RABGAP1L: variants seen among roughly 807,000 people sequenced by gnomAD.
RABGAP1L encodes the protein rab GTPase-activating protein 1-like.
RABGAP1L carries 63 observed loss-of-function variants against 137.7 expected under a neutral mutation model. The ratio of observed to expected loss-of-function variants is 0.46; its 90% CI spans 0.37 to 0.56. The LOEUF (loss-of-function observed/expected upper bound fraction) is 0.56, where lower values mean the gene tolerates loss of function less well. Ranked by LOEUF, RABGAP1L falls within the 20% of genes least tolerant of loss-of-function variation. The pLI is 0.00. For synonymous variants in RABGAP1L, 431 were observed against 433.7 expected (o/e 0.99, Z 0.08); for missense variants, 1,095 against 1,244.0 (o/e 0.88, Z 1.80).
chr1:174,216,863 GT>G (rs1558039281), intron 1 of RABGAP1L, among the ~76,000 whole-genome samples: 1 of 152,012 alleles, frequency 6.6e-6, no homozygotes, highest in Admixed American at 6.6e-5. Flanking sequence ...TTAAATTTTA[GT>G]GAAAAGGTTT....
chr1:174,557,481 A>G (rs1327751952), intron 13 of RABGAP1L, among the ~76,000 whole-genome samples: 1 of 152,134 alleles, frequency 6.6e-6, no homozygotes, highest in South Asian at 2.1e-4. Context: ...TTCTACTTCT[A>G]CTACTTTGGG....
chr1:174,255,471 T>C (rs945056532), intron 7 of RABGAP1L, among the ~76,000 whole-genome samples: 1 of 152,088 alleles, frequency 6.6e-6, no homozygotes, highest in African/African-American at 2.4e-5. Flanking sequence ...ATCTCAGTGT[T>C]ACCAGTGTTA....
At chr1:174,344,797 A>G (rs930739201) in intron 11 of RABGAP1L, among the ~76,000 whole-genome samples, 1 of 152,150 alleles carries the variant, frequency 6.6e-6, no homozygotes, top group African/African-American at 2.4e-5. Context: ...ACTTGATGTG[A>G]TCCCTTTTGT....
At chr1:174,701,817 A>G (rs957297842) in intron 16 of RABGAP1L, among the ~76,000 whole-genome samples, 2 of 152,108 alleles carry the variant, frequency 1.3e-5, no homozygotes, top group Admixed American at 6.5e-5. Context: ...TACTCATTAC[A>G]CTACAGATGC....
chr1:174,504,146 T>C (rs1661600416), intron 13 of RABGAP1L, among the ~76,000 whole-genome samples: 1 of 151,906 alleles, frequency 6.6e-6, no homozygotes, highest in African/African-American at 2.4e-5. Flanking sequence ...CTAATTTTTG[T>C]GTTTTTTGTA....
chr1:174,319,255 A>C (rs1179121126), intron 11 of RABGAP1L, among the ~76,000 whole-genome samples: 1 of 152,054 alleles, frequency 6.6e-6, no homozygotes, highest in Non-Finnish European at 1.5e-5. Context: ...GATCATGTAC[A>C]TATTTTATTG....
chr1:174,547,437 C>T (rs1388635129), intron 13 of RABGAP1L, among the ~76,000 whole-genome samples: 2 of 152,030 alleles, frequency 1.3e-5, no homozygotes, highest in South Asian at 2.1e-4. Flanking sequence ...GGCAATGTAG[C>T]GAGACCTCAT....
At chr1:174,228,999 T>A (rs1670411885) in intron 3 of RABGAP1L, among the ~76,000 whole-genome samples, 1 of 150,870 alleles carries the variant, frequency 6.6e-6, no homozygotes, top group Non-Finnish European at 1.5e-5. Flanking sequence ...TGCCTGCTGT[T>A]CTTAGAATAA....
intron 13 of RABGAP1L, among the ~76,000 whole-genome samples, chr1:174,476,421 T>G (rs1658512510): frequency 2.0e-5 from 3 of 152,132 alleles, no homozygotes; most frequent in Admixed American, 2.0e-4. Flanking sequence ...ATAATTTCAG[T>G]TTTTTTCCTA....
At chr1:174,941,895 T>G (rs1665950406) in intron 19 of RABGAP1L, among the ~76,000 whole-genome samples, 1 of 152,188 alleles carries the variant, frequency 6.6e-6, no homozygotes, top group South Asian at 2.1e-4. Flanking sequence ...ATTTTAAAAT[T>G]TATTGTAAGT....
At chr1:174,570,695 T>C (rs1422210147) in intron 13 of RABGAP1L, among the ~76,000 whole-genome samples, 1 of 151,878 alleles carries the variant, frequency 6.6e-6, no homozygotes, top group Admixed American at 6.6e-5. Context: ...AAAAAATAAA[T>C]AAAAAGACAA....
chr1:174,958,026 C>G, intron 20 of RABGAP1L: 1 of 1,525,236 alleles, frequency 6.6e-7, no homozygotes, highest in South Asian at 1.2e-5. Flanking sequence ...TGGCAAAGTA[C>G]TGTTTTAGCT....
intron 13 of RABGAP1L, among the ~76,000 whole-genome samples, chr1:174,423,840 TAGATTTA>T (rs1487929566): frequency 6.6e-6 from 1 of 152,160 alleles, no homozygotes; most frequent in Non-Finnish European, 1.5e-5. Context: ...GTACAGAAGA[TAGATTTA>T]ATGTTCATTT....
At chr1:174,200,703 G>C (rs1260767901) in intron 1 of RABGAP1L, among the ~76,000 whole-genome samples, 1 of 152,100 alleles carries the variant, frequency 6.6e-6, no homozygotes, top group Non-Finnish European at 1.5e-5. Context: ...GATCATGTTT[G>C]TTTCCTGCTA....
At chr1:174,880,237 A>G (rs1243873521) in intron 19 of RABGAP1L, among the ~76,000 whole-genome samples, 1 of 152,216 alleles carries the variant, frequency 6.6e-6, no homozygotes, top group Non-Finnish European at 1.5e-5. Context: ...AATATACACT[A>G]TAACTGAATC....
intron 1 of RABGAP1L, among the ~76,000 whole-genome samples, chr1:174,162,753 CTTT>C (rs971302832): frequency 2.7e-5 from 1 of 37,184 alleles, no homozygotes; most frequent in Non-Finnish European, 5.9e-5. Flanking sequence ...GCTGGTATTT[CTTT>C]TTTTTTTTTT....
chr1:174,160,437 G>T (rs992554370), intron 1 of RABGAP1L, among the ~76,000 whole-genome samples: 6 of 152,220 alleles, frequency 3.9e-5, no homozygotes, highest in African/African-American at 1.4e-4. Flanking sequence ...GGGTGCATGG[G>T]AGCTGAACTG....
At chr1:174,643,472 C>G (rs1674696716) in intron 14 of RABGAP1L, among the ~76,000 whole-genome samples, 1 of 152,150 alleles carries the variant, frequency 6.6e-6, no homozygotes, top group African/African-American at 2.4e-5. Flanking sequence ...GTGATTTTAA[C>G]AGACACTTAG....
chr1:174,316,043 G>A (rs1679347930), intron 11 of RABGAP1L, among the ~76,000 whole-genome samples: 1 of 152,070 alleles, frequency 6.6e-6, no homozygotes, highest in African/African-American at 2.4e-5. Flanking sequence ...CTGTTCCTTA[G>A]CTCCAATTGC....
Sources: allele counts gnomAD v4.1 joint callset (sites outside exome capture counted in the v4.1 genomes callset), GRCh38; gene constraint gnomAD v4.1.1; transcripts MANE v1.5; gene names NCBI Gene and HGNC (gene_info 2026-07-23, HGNC 2026-07-21).